Variants in RAPGEF2 observed in about 807,000 individuals in gnomAD.
RAPGEF2 encodes PDZ domain containing guanine nucleotide exchange factor (GEF) 1.
RAPGEF2 carries 54 observed loss-of-function variants against 186.7 expected under a neutral mutation model. The observed-to-expected ratio is 0.29, with a 90% CI of 0.23 to 0.36. RAPGEF2 has a LOEUF of 0.36. RAPGEF2 is among the 10% of genes least tolerant of loss of function. The probability of loss-of-function intolerance (pLI) is 1.00; values close to 1 mark genes in which losing one functional copy is unlikely to be tolerated. For missense variants in RAPGEF2, 1,532 were observed against 2,045.0 expected (o/e 0.75, Z 4.84); for synonymous variants, 712 against 705.9 (o/e 1.01, Z -0.14).
chr4:159,256,509 A>G lies in RAPGEF2; in HGVS notation c.543+12718A>G, dbSNP rs541678710. Among the ~76,000 whole-genome samples, 8 of 152,308 alleles carry G rather than the reference A, an allele frequency of 5.3e-5. No homozygotes were observed. In the South Asian group the frequency reaches 1.7e-3, roughly 32 times the overall value. On this transcript the variant is annotated intron_variant, in intron 7 of 29. Transcript: ENST00000691494. ...TTGTGAGTAGTGCTGTGATGAACAT[A>G]TGTGTGTGAGTATCTTTGTAATAGG...
intron 7 of RAPGEF2, among the ~76,000 whole-genome samples, chr4:159,288,855 C>T (rs1206254783): frequency 6.6e-6 from 1 of 152,116 alleles, no homozygotes; most frequent in Admixed American, 6.6e-5. Context: ...GATATTCCTT[C>T]TGTCTGTAAA....
intron 1 of RAPGEF2, among the ~76,000 whole-genome samples, chr4:159,162,904 T>C (rs1298148055): frequency 6.6e-6 from 1 of 152,122 alleles, no homozygotes; most frequent in African/African-American, 2.4e-5. Context: ...TTCCGTAAGA[T>C]TACCCAGGGA....
At chr4:159,236,182 G>C (rs368857357) in intron 4 of RAPGEF2, among the ~76,000 whole-genome samples, 5 of 152,116 alleles carry the variant, frequency 3.3e-5, no homozygotes, top group Admixed American at 6.5e-5. Context: ...TCTTTGTGAC[G>C]GTTTATGGAA....
intron 2 of RAPGEF2, among the ~76,000 whole-genome samples, chr4:159,187,208 A>G (rs964365126): frequency 6.6e-6 from 1 of 152,232 alleles, no homozygotes; most frequent in Non-Finnish European, 1.5e-5. Context: ...ATTCAATTGT[A>G]TCCAGTAAGA....
intron 7 of RAPGEF2, among the ~76,000 whole-genome samples, chr4:159,284,493 C>G (rs1370847410): frequency 1.0e-4 from 3 of 29,950 alleles, no homozygotes; most frequent in African/African-American, 5.3e-4. Flanking sequence ...CACACACACA[C>G]ACACACACAC....
intron 3 of RAPGEF2, among the ~76,000 whole-genome samples, chr4:159,194,061 A>T (rs1254664430): frequency 6.6e-6 from 1 of 152,242 alleles, no homozygotes; most frequent in Non-Finnish European, 1.5e-5. Flanking sequence ...TGGAAGAAGC[A>T]CAAGGGAGCG....
chr4:159,144,879 G>GTTTTTTTTTTTTTT (rs137978885), intron 1 of RAPGEF2, among the ~76,000 whole-genome samples: 4 of 92,316 alleles, frequency 4.3e-5, no homozygotes, highest in African/African-American at 1.7e-4. Flanking sequence ...CTTTCTTCCT[G>GTTTTTTTTTTTTTT]TTTTTTTTTT....
intron 7 of RAPGEF2, among the ~76,000 whole-genome samples, chr4:159,298,864 C>G (rs1213533792): frequency 6.6e-6 from 1 of 152,196 alleles, no homozygotes; most frequent in African/African-American, 2.4e-5. Flanking sequence ...ACACTTTAGT[C>G]ATTTCTGTGT....
intron 7 of RAPGEF2, among the ~76,000 whole-genome samples, chr4:159,297,140 A>G (rs1405456237): frequency 6.6e-6 from 1 of 152,188 alleles, no homozygotes. Flanking sequence ...TGAAATACTC[A>G]TTATATAAGC....
chr4:159,352,861 G>C lies in RAPGEF2; in HGVS notation c.4042G>C (p.Gly1348Arg), dbSNP rs1731395295. 1.2e-6 allele frequency: 2 copies of C among 1,614,102 alleles called. No homozygotes were observed. Among genetic ancestry groups the C allele is most frequent in the Non-Finnish European group, 1.7e-6 (2 of 1,180,052 alleles). ...VSIVETNLGM[G>R]RMERRTMIEP... ...CATCGTGGAAACAAACCTAGGGATG[G>C]GCAGGATGGAGAGGCGGACCATGAT... is the stretch of plus-strand genomic sequence containing the variant. Residue 1348 changes from glycine to arginine, a missense_variant, in exon 27 of 30, where the codon GGC becomes CGC. This residue lies in a region of RAPGEF2 where 594 missense variants were observed against 608.5 expected (regional missense o/e 0.98). Coordinates refer to ENST00000691494, the MANE Select transcript of RAPGEF2 (RefSeq NM_001394067.2).
At chr4:159,137,580 G>A (rs561147941) in intron 1 of RAPGEF2, among the ~76,000 whole-genome samples, 44 of 152,094 alleles carry the variant, frequency 2.9e-4, no homozygotes, top group South Asian at 4.2e-4. Flanking sequence ...AACCATAGTA[G>A]CATCTTTAAT....
chr4:159,199,522 A>T (rs28702410), intron 3 of RAPGEF2, among the ~76,000 whole-genome samples: 49,527 of 151,586 alleles, frequency 0.33, 8,347 homozygotes, highest in Non-Finnish European at 0.37. Flanking sequence ...TGATCTGTAG[A>T]TAAAGACCTT....
rs527753099 is a variant in RAPGEF2 at position 159,198,178 on chromosome 4, GC to G, written c.197+4928del. Among the ~76,000 whole-genome samples, 27 of 148,760 alleles carry G rather than the reference GC, an allele frequency of 1.8e-4. No individual in the cohort carries two copies. The South Asian group carries it at 5.3e-3, about 29-fold the overall frequency. ...ATCTACTACTTAGATCATTTTTATAGCCCCCCACCCCTACCCCAGGAAGCAA... is the reference window on the plus strand; with the variant it reads ...ATCTACTACTTAGATCATTTTTATAGCCCCCACCCCTACCCCAGGAAGCAA... On this transcript the variant is annotated intron_variant, in intron 3 of 29. Transcript: ENST00000691494.
chr4:159,347,750 C>T (rs1730541718), intron 25 of RAPGEF2, among the ~76,000 whole-genome samples: 1 of 152,154 alleles, frequency 6.6e-6, no homozygotes. Flanking sequence ...CACCGCTGCA[C>T]TCCTCCAGCC....
Position 159,104,224 on chromosome 4 carries a change from C to G in RAPGEF2, c.62C>G (p.Thr21Ser). ...QAVMKNPPER[T>S]PQDLEIVYSY... is the part of the protein sequence containing the mutation. ...GTGATGAAGAATCCCCCCGAAAGGA[C>G]CCCCCAGGTGAGAACGCGGCGGCCG... The change falls in exon 1 of 30, where the codon ACC becomes AGC. Residue 21 changes from threonine to serine, a missense_variant. This residue lies in a region of RAPGEF2 where 810 missense variants were observed against 1,210.5 expected (regional missense o/e 0.67). Coordinates refer to ENST00000691494, the MANE Select transcript of RAPGEF2 (RefSeq NM_001394067.2). 9.1e-7 allele frequency: 1 copy of G among 1,103,738 alleles called. No homozygotes were observed. The allele number at this position is 1,103,738 out of a possible 1,614,324, so 68.4% of individuals were successfully genotyped here.
intron 7 of RAPGEF2, among the ~76,000 whole-genome samples, chr4:159,258,871 A>T (rs932606180): frequency 6.6e-6 from 1 of 152,260 alleles, no homozygotes; most frequent in African/African-American, 2.4e-5. Context: ...CAAGGATATC[A>T]GCACAAAGAA....
At chr4:159,175,625 A>G (rs901934166) in intron 1 of RAPGEF2, among the ~76,000 whole-genome samples, 2 of 152,176 alleles carry the variant, frequency 1.3e-5, no homozygotes, top group Non-Finnish European at 2.9e-5. Context: ...ATCTTCAGGA[A>G]TGCTTTAAAC....
intron 4 of RAPGEF2, among the ~76,000 whole-genome samples, chr4:159,227,110 G>A (rs1482536292): frequency 6.6e-6 from 1 of 152,180 alleles, no homozygotes; most frequent in African/African-American, 2.4e-5. Context: ...TTTTGGGCAG[G>A]TTAGTGGCTA....
chr4:159,144,031 C>T (rs1383235888), intron 1 of RAPGEF2, among the ~76,000 whole-genome samples: 1 of 152,108 alleles, frequency 6.6e-6, no homozygotes, highest in Non-Finnish European at 1.5e-5. Context: ...GTGTATATGT[C>T]TGACATAGGA....
Sources: allele counts gnomAD v4.1 joint callset (sites outside exome capture counted in the v4.1 genomes callset), GRCh38; gene constraint gnomAD v4.1.1; regional missense constraint gnomAD v4.1.1; transcripts MANE v1.5; gene names NCBI Gene and HGNC (gene_info 2026-07-23, HGNC 2026-07-21).